The following ZP3 variants were observed in gnomAD, a reference collection of about 807,000 sequenced individuals.
ZP3 encodes zona pellucida sperm-binding protein 3.
ZP3 carries 21 observed loss-of-function variants against 35.6 expected under a neutral mutation model. The observed-to-expected ratio is 0.59, with a 90% CI of 0.42 to 0.85. The LOEUF is 0.85. Among genes scored for constraint, ZP3 ranks in the 40% least tolerant of loss-of-function variants. The pLI, the probability that ZP3 is intolerant of heterozygous loss-of-function variation, is 0.00. For missense variants in ZP3, 437 were observed against 536.5 expected (o/e 0.81, Z 1.83); for synonymous variants, 207 against 214.5 (o/e 0.96, Z 0.31).
In ZP3 at chr7:76,425,448, G is replaced by A. The variant is rs150846255; in HGVS notation, c.312+172G>A. ...TGGCACTGAGGTCACCGGACCCAGG[G>A]CAGCTCCTGCCTCTGATGCCCGACA... On this transcript the variant is annotated intron_variant, in intron 1 of 7. Coordinates refer to ENST00000394857, the MANE Select transcript of ZP3 (RefSeq NM_001110354.2). Among the ~76,000 whole-genome samples the A allele has an allele frequency of 2.8e-4, 43 of 152,266 alleles. 1 individual carries two copies. In the East Asian group the frequency reaches 7.7e-3, roughly 27 times the overall value.
intron 1 of ZP3, among the ~76,000 whole-genome samples, chr7:76,410,362 T>A (rs1173231645): frequency 6.6e-6 from 1 of 151,710 alleles, no homozygotes; most frequent in African/African-American, 2.4e-5. Flanking sequence ...TTCTTTTTTT[T>A]TTTTTTGAGA....
chr7:76,398,914 A>G, intron 1 of ZP3: 2 of 1,008,408 alleles, frequency 2.0e-6, no homozygotes, highest in Non-Finnish European at 3.0e-6. Flanking sequence ...GCCTCTGGCC[A>G]CACAAAGAGT....
intron 1 of ZP3, among the ~76,000 whole-genome samples, chr7:76,406,530 C>T (rs1476756): frequency 0.48 from 72,031 of 151,644 alleles, 17,792 homozygotes; most frequent in African/African-American, 0.59. Flanking sequence ...GTCACCCAGG[C>T]GGCAGTGCAG....
At chr7:76,436,275 G>A (rs1358688568) in intron 5 of ZP3, among the ~76,000 whole-genome samples, 6 of 152,110 alleles carry the variant, frequency 3.9e-5, no homozygotes, top group East Asian at 3.9e-4. Flanking sequence ...TTGAATACCC[G>A]ACCTCAAACG....
chr7:76,400,103 C>T (rs187762354), intron 1 of ZP3, among the ~76,000 whole-genome samples: 20 of 152,300 alleles, frequency 1.3e-4, no homozygotes, highest in Non-Finnish European at 1.8e-4. Context: ...CAGGGTCAGG[C>T]AATGACCCAG....
At chr7:76,429,282 T>C in intron 1 of ZP3, 1 of 513,354 alleles carries the variant, frequency 1.9e-6, no homozygotes, top group Admixed American at 3.2e-5. Context: ...CTGTGTTCTC[T>C]TTTGTAGAGA....
chr7:76,422,945 C>T (rs537958951), upstream of ZP3, among the ~76,000 whole-genome samples: 8 of 139,612 alleles, frequency 5.7e-5, no homozygotes, highest in East Asian at 1.5e-3. Flanking sequence ...TGCAGTGAGT[C>T]GAGATAGCAC....
intron 1 of ZP3, chr7:76,429,118 G>A (rs1805755958): frequency 4.1e-6 from 1 of 244,768 alleles, no homozygotes; most frequent in Non-Finnish European, 8.2e-6. Flanking sequence ...GATGTGTCAT[G>A]TGCCCTGATG....
chr7:76,418,550 CAAAAAAA>C (rs1203476650), intron 1 of ZP3, among the ~76,000 whole-genome samples: 1 of 30,040 alleles, frequency 3.3e-5, no homozygotes, highest in Non-Finnish European at 5.4e-5. Flanking sequence ...GATTTCATCT[CAAAAAAA>C]AAAAAAAAAA....
intron 1 of ZP3, chr7:76,397,969 T>A: frequency 1.2e-6 from 1 of 869,518 alleles, no homozygotes; most frequent in Non-Finnish European, 1.7e-6. Context: ...ACCGCCTCCT[T>A]GGTCCAGACT....
chr7:76,417,973 T>C (rs1025798247), intron 1 of ZP3, among the ~76,000 whole-genome samples: 1 of 150,890 alleles, frequency 6.6e-6, no homozygotes, highest in African/African-American at 2.4e-5. Context: ...AATCTCACTC[T>C]GTTGCCCAGG....
At chr7:76,435,990 C>T (rs1805987934) in intron 5 of ZP3, among the ~76,000 whole-genome samples, 1 of 142,712 alleles carries the variant, frequency 7.0e-6, no homozygotes, top group African/African-American at 2.6e-5. Context: ...TCCCAAAGTG[C>T]TGGGATTATA....
chr7:76,438,515 G>T (rs1409075838), intron 5 of ZP3, among the ~76,000 whole-genome samples: 1 of 137,014 alleles, frequency 7.3e-6, no homozygotes, highest in Non-Finnish European at 1.5e-5. Context: ...CTCCAGCCTG[G>T]ACTAGAGACA....
At chr7:76,400,419 G>A (rs1163664872) in intron 1 of ZP3, 8 of 1,605,188 alleles carry the variant, frequency 5.0e-6, no homozygotes, top group Admixed American at 3.4e-5. Context: ...CTCGGCCTTG[G>A]CCAAAGGCAA....
At chr7:76,412,446 TATG>T (rs142816793) in intron 1 of ZP3, among the ~76,000 whole-genome samples, 123 of 152,294 alleles carry the variant, frequency 8.1e-4, no homozygotes, top group African/African-American at 2.9e-3. Context: ...AAGGGGTATT[TATG>T]ATGATGAAAT....
chr7:76,397,606 G>T, exon 1 of ZP3: 1 of 1,610,214 alleles, frequency 6.2e-7, no homozygotes, highest in Non-Finnish European at 8.5e-7. Context: ...GGGGCTCGCC[G>T]CCTTCGCAGT....
At chr7:76,399,852 G>A (rs1190779661) in intron 1 of ZP3, among the ~76,000 whole-genome samples, 1 of 151,938 alleles carries the variant, frequency 6.6e-6, no homozygotes, top group Admixed American at 6.6e-5. Flanking sequence ...CTAGGAGAGG[G>A]GAACCAGTGG....
At chr7:76,432,839 TG>T in intron 2 of ZP3, 87 bp from the exon 3 acceptor site, 2 of 1,115,432 alleles carry the variant, frequency 1.8e-6, no homozygotes, top group Non-Finnish European at 2.6e-6. Context: ...GACCCTGTAG[TG>T]GGGTAGCAGT....
At chr7:76,409,412 A>T (rs1805170918) in intron 1 of ZP3, 1 of 152,400 alleles carries the variant, frequency 6.6e-6, no homozygotes, top group South Asian at 2.1e-4. Flanking sequence ...AAGGATTCAT[A>T]CCTGGGGGAA....
Sources: allele counts gnomAD v4.1 joint callset (sites outside exome capture counted in the v4.1 genomes callset), GRCh38; gene constraint gnomAD v4.1.1; transcripts MANE v1.5; gene names NCBI Gene and HGNC (gene_info 2026-07-23, HGNC 2026-07-21).